RP1: variants seen among roughly 807,000 people sequenced by gnomAD.
RP1 encodes the protein RP1 axonemal microtubule associated.
In RP1, 16 loss-of-function variants were observed where a neutral mutation model predicts 14.8. The ratio of observed to expected loss-of-function variants is 1.08; its 90% CI spans 0.73 to 1.65. The LOEUF is 1.65. Among genes scored for constraint, RP1 ranks in the 40% most tolerant of loss-of-function variants. RP1 has a pLI of 0.00. For synonymous variants in RP1, 876 were observed against 883.6 expected, an observed-to-expected ratio of 0.99 and a Z score of 0.15; for missense variants, 2,631 against 2,535.0, an observed-to-expected ratio of 1.04 and a Z score of -0.81.
chr8:54,712,423 ACTGGGATTG>A (rs1465613606), intron 15 of RP1, among the ~76,000 whole-genome samples: 1 of 152,112 alleles, frequency 6.6e-6, no homozygotes, highest in Non-Finnish European at 1.5e-5. Context: ...CTAGCTCTTC[ACTGGGATTG>A]GCCCCTTGAG....
intron 24 of RP1, among the ~76,000 whole-genome samples, chr8:54,794,838 A>G (rs1810544661): frequency 1.3e-5 from 2 of 152,122 alleles, no homozygotes; most frequent in African/African-American, 4.8e-5. Flanking sequence ...CAAACCAAAT[A>G]TCTGATAAGG....
At chr8:54,730,409 A>G (rs142488070) in intron 17 of RP1, among the ~76,000 whole-genome samples, 19 of 152,124 alleles carry the variant, frequency 1.2e-4, no homozygotes, top group African/African-American at 4.6e-4. Context: ...CTTCACCTTT[A>G]TGAATATTTC....
upstream of RP1, among the ~76,000 whole-genome samples, chr8:54,613,193 G>A (rs527808120): frequency 6.6e-6 from 1 of 152,132 alleles, no homozygotes; most frequent in African/African-American, 2.4e-5. Flanking sequence ...GGCCATTTAG[G>A]TTCAATATCC....
chr8:54,762,955 C>T (rs1187818315), intron 22 of RP1, among the ~76,000 whole-genome samples: 1 of 152,154 alleles, frequency 6.6e-6, no homozygotes, highest in African/African-American at 2.4e-5. Context: ...ACACTGTCGT[C>T]ATTGGACTAG....
intron 17 of RP1, among the ~76,000 whole-genome samples, chr8:54,728,212 G>A (rs1055948112): frequency 2.6e-5 from 4 of 152,098 alleles, no homozygotes; most frequent in Admixed American, 2.6e-4. Context: ...TTCCCTAGAA[G>A]TCTCTCTCTC....
At chr8:54,690,904 A>G (rs902678629) in intron 12 of RP1, among the ~76,000 whole-genome samples, 1 of 152,050 alleles carries the variant, frequency 6.6e-6, no homozygotes, top group East Asian at 1.9e-4. Flanking sequence ...CACTACAACC[A>G]TAATCATCTC....
At chr8:54,822,619 CA>C (rs1225445758) in intron 24 of RP1, among the ~76,000 whole-genome samples, 1 of 151,964 alleles carries the variant, frequency 6.6e-6, no homozygotes, top group Non-Finnish European at 1.5e-5. Flanking sequence ...TTTATGAGGA[CA>C]AAAAACAAAC....
intron 1 of RP1, among the ~76,000 whole-genome samples, chr8:54,606,130 C>T (rs899797667): frequency 6.6e-6 from 1 of 152,166 alleles, no homozygotes; most frequent in Non-Finnish European, 1.5e-5. Flanking sequence ...GCAGTTTCTT[C>T]CTAACTTTGA....
chr8:54,678,710 G>A (rs1296515868), intron 9 of RP1, among the ~76,000 whole-genome samples: 1 of 151,958 alleles, frequency 6.6e-6, no homozygotes, highest in African/African-American at 2.4e-5. Flanking sequence ...CATTTATTAT[G>A]TTTATCATCA....
intron 24 of RP1, among the ~76,000 whole-genome samples, chr8:54,835,165 T>A (rs1419807832): frequency 6.6e-6 from 1 of 152,164 alleles, no homozygotes; most frequent in African/African-American, 2.4e-5. Context: ...AACAGTTATA[T>A]GCAAGAAAAA....
At chr8:54,824,411 G>T (rs941756260) in intron 24 of RP1, among the ~76,000 whole-genome samples, 1 of 152,124 alleles carries the variant, frequency 6.6e-6, no homozygotes, top group Non-Finnish European at 1.5e-5. Context: ...CAAGGAAATT[G>T]AATTTTTAAT....
chr8:54,645,060 G>C (rs1806518412), intron 3 of RP1, among the ~76,000 whole-genome samples: 1 of 152,120 alleles, frequency 6.6e-6, no homozygotes, highest in Non-Finnish European at 1.5e-5. Context: ...TGTTTAATTA[G>C]GGTCACATTT....
rs576705009 is a variant in RP1, at chr8:54,690,303, G to T, written c.1718-9164G>T. Among the ~76,000 whole-genome samples, 54 of 152,046 alleles carry T rather than the reference G, an allele frequency of 3.6e-4. 1 individual carries two copies. In the South Asian group the frequency reaches 0.01, roughly 29 times the overall value. On this transcript the variant is annotated intron_variant, in intron 12 of 22. Coordinates refer to the RP1 transcript ENST00000636932. ...TTAGCTGCAGTTCTTGTCTCTGTCT[G>T]GTTCTCTGTACTTGGTTCTAATTAA...
intron 1 of RP1, among the ~76,000 whole-genome samples, chr8:54,608,540 T>G (rs1212768773): frequency 6.6e-6 from 1 of 152,118 alleles, no homozygotes; most frequent in Non-Finnish European, 1.5e-5. Flanking sequence ...TTACATATGT[T>G]TGTTCAACAT....
chr8:54,764,682 A>G (rs1198005467), intron 22 of RP1, among the ~76,000 whole-genome samples: 2 of 152,206 alleles, frequency 1.3e-5, no homozygotes, highest in African/African-American at 4.8e-5. Flanking sequence ...TTAAATTTAC[A>G]TGTGTAATAA....
chr8:54,786,869 T>G (rs992862637), intron 24 of RP1, among the ~76,000 whole-genome samples: 1 of 152,204 alleles, frequency 6.6e-6, no homozygotes, highest in East Asian at 1.9e-4. Context: ...TTTGAGGCTA[T>G]GTCATGTGAC....
chr8:54,738,970 T>C (rs1477521569), exon 19 of RP1: 8 of 1,516,470 alleles, frequency 5.3e-6, no homozygotes, highest in East Asian at 2.5e-5. Flanking sequence ...TGGAAACATA[T>C]ATAAGATAAG....
rs1307608869 is a variant in RP1 at position 54,751,100 on chromosome 8, G to C, written c.2809-3703G>C. Among the ~76,000 whole-genome samples the C allele has an allele frequency of 4.6e-5, 7 of 152,304 alleles. 1 individual carries two copies. In the South Asian group the frequency reaches 1.2e-3, roughly 27 times the overall value. ...TGTGAAGGTCTGCGGCTCCATTCTTGAAGTCAGTGAGACCACTAACCCACC... is the reference window on the plus strand; with the variant it reads ...TGTGAAGGTCTGCGGCTCCATTCTTCAAGTCAGTGAGACCACTAACCCACC... On this transcript the variant is annotated intron_variant, in intron 19 of 22. Coordinates refer to the RP1 transcript ENST00000636932.
At chr8:54,795,724 TG>T (rs1422427242) in intron 24 of RP1, among the ~76,000 whole-genome samples, 1 of 152,314 alleles carries the variant, frequency 6.6e-6, no homozygotes, top group East Asian at 1.9e-4. Flanking sequence ...TCTTTATTTG[TG>T]GACTTGATCA....
Sources: gnomAD v4.1 joint callset for allele counts (sites outside exome capture counted in the v4.1 genomes callset) on GRCh38, gnomAD v4.1.1 for gene constraint, MANE v1.5 for transcripts, NCBI Gene and HGNC (gene_info 2026-07-23, HGNC 2026-07-21) for gene names.